Variants in CAMTA1 observed in about 807,000 individuals in gnomAD.
The protein encoded by CAMTA1 is calmodulin binding transcription activator 1.
CAMTA1 carries 27 observed loss-of-function variants against 170.9 expected under a neutral mutation model. That is an observed-to-expected ratio of 0.16 (90% CI 0.12 to 0.22). The LOEUF (loss-of-function observed/expected upper bound fraction) is 0.22, where lower values mean the gene tolerates loss of function less well. CAMTA1 is among the 10% of genes least tolerant of loss of function. The pLI, the probability that CAMTA1 is intolerant of heterozygous loss-of-function variation, is 1.00. For missense variants in CAMTA1, 1,619 were observed against 2,217.2 expected (o/e 0.73, Z 5.42); for synonymous variants, 833 against 891.5 (o/e 0.93, Z 1.17).
At chr1:6,807,738 T>A (rs868239266) in intron 1 of CAMTA1, among the ~76,000 whole-genome samples, 4 of 149,762 alleles carry the variant, frequency 2.7e-5, no homozygotes, top group Non-Finnish European at 5.9e-5. Flanking sequence ...AAAAAAAAAA[T>A]TATTTCTTTG....
chr1:6,908,316 G>A, intron 3 of CAMTA1, among the ~76,000 whole-genome samples: 1 of 152,250 alleles, frequency 6.6e-6, no homozygotes. Context: ...CGGCAAGCAG[G>A]CTGACAGGCC....
In CAMTA1 at chr1:7,259,867, CT is replaced by C. The variant is rs1242199109; in HGVS notation, c.438+10244del. Among the ~76,000 whole-genome samples the C allele has an allele frequency of 5.3e-5, 8 of 152,348 alleles. No homozygotes were observed. In the East Asian group the frequency reaches 1.3e-3, roughly 26 times the overall value. On this transcript the variant is annotated intron_variant, in intron 5 of 22. Coordinates refer to ENST00000303635, the MANE Select transcript of CAMTA1 (RefSeq NM_015215.4). ...GGTGAAATGGTCCTGTTCTTCCATC[CT>C]TTAGCTCCTCTGAACGGGGAACTTG...
intron 6 of CAMTA1, among the ~76,000 whole-genome samples, chr1:7,480,478 C>T (rs1170879958): frequency 6.6e-6 from 1 of 152,014 alleles, no homozygotes; most frequent in Non-Finnish European, 1.5e-5. Flanking sequence ...TCTTCTCCCC[C>T]TGCTCCTTCC....
chr1:7,189,211 G>T (rs1188818150), intron 4 of CAMTA1, among the ~76,000 whole-genome samples: 3 of 152,114 alleles, frequency 2.0e-5, no homozygotes, highest in African/African-American at 7.2e-5. Context: ...ACTGTAGAAA[G>T]CCTAAATGTC....
chr1:7,013,710 G>A (rs1700147425), intron 3 of CAMTA1, among the ~76,000 whole-genome samples: 1 of 152,156 alleles, frequency 6.6e-6, no homozygotes, highest in African/African-American at 2.4e-5. Flanking sequence ...CCCCCCTGGT[G>A]TGGACAAGCC....
chr1:7,746,213 T>G, intron 18 of CAMTA1, 122 bp downstream of exon 18: 1 of 1,143,110 alleles, frequency 8.7e-7, no homozygotes. Context: ...TTGTAGAATT[T>G]TTTTGGAAGT....
At chr1:7,423,239 G>A (rs566493036) in intron 5 of CAMTA1, among the ~76,000 whole-genome samples, 314 of 152,304 alleles carry the variant, frequency 2.1e-3, no homozygotes, top group Non-Finnish European at 4.0e-3. Flanking sequence ...GGGAGGCCGA[G>A]GCAGGTGGAT....
chr1:7,744,807 T>G (rs1319866186), intron 16 of CAMTA1, 28 bp from the exon 17 acceptor site: 1 of 1,600,420 alleles, frequency 6.2e-7, no homozygotes, highest in Non-Finnish European at 8.5e-7. Context: ...CTTTCTAACC[T>G]GAGTGTTCTG....
chr1:7,059,747 A>AATCATATAT lies in CAMTA1; in HGVS notation c.235-31556_235-31555insTCATATATA, dbSNP rs1286621970. ...GGGAACTTTGTACTATTTATGCCTG[A>AATCATATAT]AGCAATCAGGGAATCAGGTGTGTTG... On this transcript the variant is annotated intron_variant, in intron 3 of 22. Coordinates refer to ENST00000303635, the MANE Select transcript of CAMTA1 (RefSeq NM_015215.4). Among the ~76,000 whole-genome samples the AATCATATAT allele has an allele frequency of 4.6e-5, 7 of 152,224 alleles. No homozygotes were observed. In the East Asian group the frequency reaches 1.3e-3, roughly 29 times the overall value.
intron 1 of CAMTA1, among the ~76,000 whole-genome samples, chr1:6,804,127 T>C (rs11122156): frequency 0.15 from 22,983 of 151,112 alleles, 1,843 homozygotes; most frequent in East Asian, 0.29. Flanking sequence ...GAGGTTGCAG[T>C]GTGTCGAGAT....
chr1:7,037,117 A>T (rs1303705635), intron 3 of CAMTA1, among the ~76,000 whole-genome samples: 1 of 152,248 alleles, frequency 6.6e-6, no homozygotes, highest in Non-Finnish European at 1.5e-5. Context: ...ATTTACTTGA[A>T]CTAATTGAGT....
At chr1:6,870,866 G>T (rs1305281212) in intron 3 of CAMTA1, among the ~76,000 whole-genome samples, 1 of 152,192 alleles carries the variant, frequency 6.6e-6, no homozygotes, top group African/African-American at 2.4e-5. Context: ...CACTAAAGAT[G>T]ATTGTGTTAT....
At chr1:7,697,398 C>T (rs1414707854) in intron 11 of CAMTA1, among the ~76,000 whole-genome samples, 3 of 152,242 alleles carry the variant, frequency 2.0e-5, no homozygotes, top group Admixed American at 6.5e-5. Flanking sequence ...TCCTGTGTCA[C>T]ACCGCTGGGG....
intron 1 of CAMTA1, among the ~76,000 whole-genome samples, chr1:6,791,623 T>TA (rs1641123433): frequency 1.3e-5 from 2 of 152,226 alleles, no homozygotes; most frequent in African/African-American, 4.8e-5. Context: ...CTTTGCCTGT[T>TA]ATATATAGTA....
At chr1:6,903,384 T>G (rs1363816246) in intron 3 of CAMTA1, among the ~76,000 whole-genome samples, 4 of 152,378 alleles carry the variant, frequency 2.6e-5, no homozygotes, top group Middle Eastern at 6.8e-3. Context: ...CATTTTATTG[T>G]ATGTTAATTA....
intron 3 of CAMTA1, among the ~76,000 whole-genome samples, chr1:7,017,809 A>G (rs1486890466): frequency 2.6e-5 from 4 of 152,072 alleles, no homozygotes; most frequent in Non-Finnish European, 5.9e-5. Context: ...TTTCTCATAC[A>G]CGGTTCACGT....
intron 4 of CAMTA1, among the ~76,000 whole-genome samples, chr1:7,201,639 T>C (rs955539329): frequency 2.0e-5 from 3 of 152,224 alleles, no homozygotes; most frequent in Non-Finnish European, 4.4e-5. Flanking sequence ...GCTAATAATA[T>C]CAAGTGTCTT....
chr1:6,933,256 C>A (rs376696592), intron 3 of CAMTA1, among the ~76,000 whole-genome samples: 1 of 151,970 alleles, frequency 6.6e-6, no homozygotes, highest in East Asian at 1.9e-4. Flanking sequence ...TGCAAAGTCA[C>A]AAATATTTTC....
At chr1:7,214,864 T>C (rs77062730) in intron 4 of CAMTA1, among the ~76,000 whole-genome samples, 3 of 150,678 alleles carry the variant, frequency 2.0e-5, no homozygotes, top group African/African-American at 2.4e-5. Context: ...TCTTTCTTTT[T>C]TTTTTTTTTG....
Sources: gnomAD v4.1 joint callset for allele counts (sites outside exome capture counted in the v4.1 genomes callset) on GRCh38, gnomAD v4.1.1 for gene constraint, MANE v1.5 for transcripts, NCBI Gene and HGNC (gene_info 2026-07-23, HGNC 2026-07-21) for gene names.